Variants in SEMA3A observed in about 807,000 individuals in gnomAD.
The protein encoded by SEMA3A is semaphorin-3A.
SEMA3A carries 29 observed loss-of-function variants against 97.9 expected under a neutral mutation model. The observed-to-expected ratio is 0.30, with a 90% CI of 0.22 to 0.40. The LOEUF (loss-of-function observed/expected upper bound fraction) is 0.40, where lower values mean the gene tolerates loss of function less well. SEMA3A is among the 10% of genes least tolerant of loss of function. The pLI, the probability that SEMA3A is intolerant of heterozygous loss-of-function variation, is 1.00. For missense variants in SEMA3A, 763 were observed against 951.3 expected, an observed-to-expected ratio of 0.80 and a Z score of 2.60; for synonymous variants, 321 against 323.7, an observed-to-expected ratio of 0.99 and a Z score of 0.09.
chr7:83,993,278 G>A (rs1327982422), intron 12 of SEMA3A, among the ~76,000 whole-genome samples: 15 of 128,748 alleles, frequency 1.2e-4, no homozygotes, highest in Admixed American at 1.0e-3. Flanking sequence ...CAATTTGCCA[G>A]TCTGTGTCTT....
intron 1 of SEMA3A, among the ~76,000 whole-genome samples, chr7:84,147,322 G>A (rs766419077): frequency 3.3e-5 from 5 of 152,154 alleles, no homozygotes; most frequent in Non-Finnish European, 7.4e-5. Context: ...AGAAAGAAAA[G>A]TAGTATTTTA....
chr7:84,039,906 G>T (rs1792074361), intron 6 of SEMA3A, among the ~76,000 whole-genome samples: 1 of 151,868 alleles, frequency 6.6e-6, no homozygotes, highest in Non-Finnish European at 1.5e-5. Context: ...ATAAATATGA[G>T]AAAATATATT....
intron 3 of SEMA3A, among the ~76,000 whole-genome samples, chr7:84,291,377 G>C (rs1800741595): frequency 6.6e-6 from 1 of 151,976 alleles, no homozygotes. Context: ...CACATAGCCA[G>C]TACAGAAATC....
At chr7:84,018,709 A>T (rs375277464) in intron 6 of SEMA3A, among the ~76,000 whole-genome samples, 15 of 152,300 alleles carry the variant, frequency 9.8e-5, no homozygotes, top group African/African-American at 3.6e-4. Context: ...AGTTGTACAC[A>T]CAGAGAGTAG....
At chr7:84,016,506 C>T (rs1390720285) in intron 6 of SEMA3A, among the ~76,000 whole-genome samples, 1 of 150,812 alleles carries the variant, frequency 6.6e-6, no homozygotes, top group East Asian at 2.0e-4. Flanking sequence ...CCACTGCACT[C>T]CAGCCTGGGC....
intron 12 of SEMA3A, among the ~76,000 whole-genome samples, chr7:84,001,053 ACTT>A (rs1790423308): frequency 7.3e-6 from 1 of 136,446 alleles, no homozygotes; most frequent in East Asian, 2.0e-4. Flanking sequence ...CTGTCTACCA[ACTT>A]CTTCTAATAC....
chr7:84,436,675 TACTG>T (rs1805139668), intron 1 of SEMA3A, among the ~76,000 whole-genome samples: 1 of 152,160 alleles, frequency 6.6e-6, no homozygotes, highest in Non-Finnish European at 1.5e-5. Flanking sequence ...TTTGCTTTGA[TACTG>T]ACAGTAAATT....
chr7:84,452,947 C>CA (rs1434882538), intron 1 of SEMA3A, among the ~76,000 whole-genome samples: 3 of 152,092 alleles, frequency 2.0e-5, no homozygotes, highest in Admixed American at 6.6e-5. Flanking sequence ...TATACACTGT[C>CA]AGAGTCTTTC....
At chr7:84,368,402 T>C (rs1276067267) in intron 2 of SEMA3A, among the ~76,000 whole-genome samples, 1 of 151,160 alleles carries the variant, frequency 6.6e-6, no homozygotes, top group Non-Finnish European at 1.5e-5. Context: ...TATTTATCTT[T>C]GTAATGAGGT....
intron 3 of SEMA3A, among the ~76,000 whole-genome samples, chr7:84,213,812 T>A (rs149691805): frequency 2.0e-5 from 3 of 152,348 alleles, no homozygotes; most frequent in African/African-American, 7.2e-5. Context: ...TCTTAATTTT[T>A]AATTACAAAA....
In SEMA3A at chr7:84,306,262, G is replaced by A. The variant is rs144616868; in HGVS notation, c.-83+945C>T. 6.1e-4 allele frequency: 93 copies of A among 151,516 alleles called. No individual in the cohort carries two copies. The East Asian group carries it at 0.016, about 26-fold the overall frequency. 9.4% of individuals were successfully genotyped at this position (151,516 alleles called of 1,614,324 possible). On this transcript the variant is annotated intron_variant, in intron 3 of 3. Coordinates refer to the SEMA3A transcript ENST00000424555. Reference sequence around the variant, plus strand: ...TATTGGTACTAATATGAATAACCTAGGAAAAATGTATCAGTTCACATTAAA... The same window carrying A: ...TATTGGTACTAATATGAATAACCTAAGAAAAATGTATCAGTTCACATTAAA...
At chr7:84,203,526 A>ATATATATATTT in intron 3 of SEMA3A, among the ~76,000 whole-genome samples, 7 of 25,664 alleles carry the variant, frequency 2.7e-4, no homozygotes, top group Non-Finnish European at 5.0e-4. Context: ...ATATATATAT[A>ATATATATATTT]TTTTTTTTTT....
chr7:83,990,545 A>C (rs1376495434), intron 12 of SEMA3A, among the ~76,000 whole-genome samples: 1 of 140,564 alleles, frequency 7.1e-6, no homozygotes, highest in Non-Finnish European at 1.5e-5. Flanking sequence ...ATGGCTAGCC[A>C]GTTTTCCCAG....
intron 1 of SEMA3A, among the ~76,000 whole-genome samples, chr7:84,378,480 G>A (rs1803165844): frequency 6.6e-6 from 1 of 152,098 alleles, no homozygotes. Flanking sequence ...AACACCACAT[G>A]TTCTCACTCA....
At chr7:84,131,640 A>G (rs190363563) in intron 2 of SEMA3A, among the ~76,000 whole-genome samples, 70 of 152,288 alleles carry the variant, frequency 4.6e-4, no homozygotes, top group African/African-American at 1.6e-3. Context: ...GGTCATCAAG[A>G]ATTATTAATA....
chr7:84,305,149 T>C (rs931195741), intron 3 of SEMA3A, among the ~76,000 whole-genome samples: 1 of 151,672 alleles, frequency 6.6e-6, no homozygotes, highest in Non-Finnish European at 1.5e-5. Flanking sequence ...AAGAAAAATA[T>C]ACTGTCTACG....
intron 1 of SEMA3A, among the ~76,000 whole-genome samples, chr7:84,481,088 T>C (rs1806431909): frequency 6.6e-6 from 1 of 152,136 alleles, no homozygotes; most frequent in Non-Finnish European, 1.5e-5. Flanking sequence ...GTGTCAAAGA[T>C]AAAGCTCATG....
chr7:84,274,067 T>C (rs1800224039), intron 3 of SEMA3A, among the ~76,000 whole-genome samples: 1 of 152,122 alleles, frequency 6.6e-6, no homozygotes. Flanking sequence ...CAAAATATTT[T>C]CAGAAATTAC....
chr7:84,048,489 G>C (rs1792453238), intron 5 of SEMA3A, among the ~76,000 whole-genome samples: 2 of 151,826 alleles, frequency 1.3e-5, no homozygotes, highest in Non-Finnish European at 2.9e-5. Flanking sequence ...CAGGTGAAGA[G>C]TTTGTTATTG....
Sources: gnomAD v4.1 joint callset for allele counts (sites outside exome capture counted in the v4.1 genomes callset) on GRCh38, gnomAD v4.1.1 for gene constraint, MANE v1.5 for transcripts, NCBI Gene and HGNC (gene_info 2026-07-23, HGNC 2026-07-21) for gene names.